SNRPN: variants seen among roughly 807,000 people sequenced by gnomAD.
SNRPN encodes the protein small nuclear ribonucleoprotein polypeptide N, also known as small nuclear ribonucleoprotein-associated protein N.
Under a neutral mutation model 25.2 loss-of-function variants are expected in SNRPN, and 7 were observed. That is an observed-to-expected ratio of 0.28 (90% CI 0.16 to 0.52). The LOEUF (loss-of-function observed/expected upper bound fraction) is 0.52, where lower values mean the gene tolerates loss of function less well. Ranked by LOEUF, SNRPN falls within the 20% of genes least tolerant of loss-of-function variation. SNRPN has a pLI of 0.96. For missense variants in SNRPN, 196 were observed against 322.5 expected, an observed-to-expected ratio of 0.61 and a Z score of 3.00; for synonymous variants, 124 against 110.6, an observed-to-expected ratio of 1.12 and a Z score of -0.76.
chr15:24,840,213 C>T (rs1431881233), intron 2 of SNRPN, among the ~76,000 whole-genome samples: 1 of 152,058 alleles, frequency 6.6e-6, no homozygotes, highest in Non-Finnish European at 1.5e-5. Flanking sequence ...GAAAAATTAG[C>T]CGGACATGGT....
chr15:24,938,928 A>G (rs1227831360), intron 3 of SNRPN, among the ~76,000 whole-genome samples: 1 of 152,204 alleles, frequency 6.6e-6, no homozygotes, highest in African/African-American at 2.4e-5. Context: ...ACATGCTTAT[A>G]GACAAATTGT....
At position 24,974,462 on chromosome 15, in the gene SNRPN, C is replaced by T. The variant is rs573573776; in HGVS notation, c.3+6C>T. On this transcript the variant is annotated splice_donor_region_variant and intron_variant, in intron 4 of 9. Transcript: ENST00000390687. ...TTGGTGGAACAGCAATCATGGTAAG[C>T]TGTATGATAAGGCTGAGGGTTGAAA... 6.2e-7 allele frequency: 1 copy of T among 1,613,596 alleles called. No homozygotes were observed. The highest frequency in any genetic ancestry group is 1.7e-5 in the Admixed American group (1 of 60,006).
At chr15:24,884,300 C>T (rs1295479752) in intron 1 of SNRPN, among the ~76,000 whole-genome samples, 1 of 152,164 alleles carries the variant, frequency 6.6e-6, no homozygotes, top group Non-Finnish European at 1.5e-5. Flanking sequence ...ATCCACGGCA[C>T]TTCAGCCTGG....
chr15:24,894,376 G>T (rs888759436), intron 2 of SNRPN, among the ~76,000 whole-genome samples: 1 of 152,070 alleles, frequency 6.6e-6, no homozygotes, highest in Non-Finnish European at 1.5e-5. Flanking sequence ...CCGCCACCAC[G>T]CCTGGCTAAT....
At chr15:24,865,421 G>C (rs1234742721) in intron 1 of SNRPN, among the ~76,000 whole-genome samples, 4 of 152,170 alleles carry the variant, frequency 2.6e-5, no homozygotes, top group Admixed American at 1.3e-4. Context: ...AGGCAGACAA[G>C]TACACAATCT....
chr15:24,966,279 T>TA (rs912598466), intron 2 of SNRPN, among the ~76,000 whole-genome samples: 6 of 146,472 alleles, frequency 4.1e-5, no homozygotes, highest in Non-Finnish European at 8.9e-5. Context: ...GTGCTATACT[T>TA]ACTAGTTTTT....
At chr15:24,969,454 CAG>C (rs2076125029) in intron 3 of SNRPN, among the ~76,000 whole-genome samples, 1 of 152,180 alleles carries the variant, frequency 6.6e-6, no homozygotes, top group Non-Finnish European at 1.5e-5. Context: ...TCAAAGGAGA[CAG>C]AAATTTTCTG....
At chr15:24,834,387 C>G (rs1397806126) in intron 2 of SNRPN, among the ~76,000 whole-genome samples, 2 of 152,160 alleles carry the variant, frequency 1.3e-5, no homozygotes, top group Admixed American at 1.3e-4. Flanking sequence ...AAGCACCAGT[C>G]TTTGGTATAT....
intron 1 of SNRPN, among the ~76,000 whole-genome samples, chr15:24,885,797 C>A (rs112747767): frequency 1.3e-5 from 2 of 151,436 alleles, no homozygotes; most frequent in Non-Finnish European, 2.9e-5. Context: ...CTGTAGCCCA[C>A]GTGTTGCATG....
intron 1 of SNRPN, among the ~76,000 whole-genome samples, chr15:24,958,454 T>G (rs1301488083): frequency 7.0e-6 from 1 of 143,654 alleles, no homozygotes; most frequent in South Asian, 2.4e-4. Context: ...TAAGGTAGCC[T>G]CTCTCCATTT....
intron 2 of SNRPN, among the ~76,000 whole-genome samples, chr15:24,907,082 C>G (rs750191686): frequency 3.9e-5 from 6 of 151,932 alleles, no homozygotes; most frequent in South Asian, 2.1e-4. Flanking sequence ...CAAAGCATAT[C>G]GTAAGCAGGG....
upstream of SNRPN, among the ~76,000 whole-genome samples, chr15:24,854,776 G>A (rs1020707715): frequency 2.0e-5 from 3 of 152,186 alleles, no homozygotes; most frequent in Admixed American, 2.0e-4. Context: ...GTTGAGGTGG[G>A]TGGAATGCTT....
At chr15:24,944,474 G>A (rs1001286782) in intron 3 of SNRPN, among the ~76,000 whole-genome samples, 1 of 152,288 alleles carries the variant, frequency 6.6e-6, no homozygotes, top group East Asian at 1.9e-4. Context: ...AAGGTGGGTG[G>A]ATCACCTGAG....
At chr15:24,907,373 G>A (rs529479303) in intron 2 of SNRPN, among the ~76,000 whole-genome samples, 19 of 151,312 alleles carry the variant, frequency 1.3e-4, no homozygotes, top group Middle Eastern at 7.0e-3. Context: ...CGAGGCAGGC[G>A]GATCACAAGG....
intron 3 of SNRPN, among the ~76,000 whole-genome samples, chr15:24,970,989 A>G (rs983451559): frequency 3.3e-5 from 5 of 152,166 alleles, no homozygotes; most frequent in Non-Finnish European, 7.3e-5. Context: ...TAACAGATCA[A>G]TACTGATATT....
chr15:24,929,908 C>T lies in SNRPN; in HGVS notation c.-391+9784C>T, dbSNP rs1448714816. On this transcript the variant is annotated intron_variant, in intron 3 of 11. Coordinates refer to the SNRPN transcript ENST00000400097. The surrounding 1 kb of genome is among the most constrained non-coding windows in gnomAD (Gnocchi z 5.3). ...CTATTATGTATCAATAAAAAAATGG[C>T]CAGGCACGGTGGCTCACACCTATAA... Among the ~76,000 whole-genome samples the T allele has an allele frequency of 6.6e-6, 1 of 152,052 alleles. No individual in the cohort carries two copies. The highest frequency in any genetic ancestry group is 2.4e-5 in the African/African-American group (1 of 41,410).
chr15:24,841,808 G>C (rs918258920), intron 2 of SNRPN, among the ~76,000 whole-genome samples: 2 of 152,178 alleles, frequency 1.3e-5, no homozygotes, highest in East Asian at 3.9e-4. Flanking sequence ...CATGCCTCAG[G>C]GACCATACAA....
intron 2 of SNRPN, among the ~76,000 whole-genome samples, chr15:24,887,855 G>A (rs759516214): frequency 1.4e-4 from 21 of 152,032 alleles, no homozygotes; most frequent in Non-Finnish European, 2.8e-4. Context: ...GATAGGGTCT[G>A]GGAAAGAGTG....
rs67089476 is a variant in SNRPN, at chr15:24,922,037, TAAAAAAAAAAA to T, written c.-391+1929_-391+1939del. 1.2e-4 allele frequency among the ~76,000 whole-genome samples: 11 copies of T among 94,406 alleles called. 1 individual carries two copies. Among genetic ancestry groups the T allele is most frequent in the Admixed American group, 4.9e-4 (4 of 8,222 alleles). 61.9% of individuals were successfully genotyped at this position (94,406 alleles called of 152,430 possible). On this transcript the variant is annotated intron_variant, in intron 3 of 11. Transcript: ENST00000400097. ...AACATGGTGAAACCTCCGTCTCTAC[TAAAAAAAAAAA>T]AAAAAAAAAAAAAAATTAGCCGGGC...
Sources: gnomAD v4.1 joint callset for allele counts (sites outside exome capture counted in the v4.1 genomes callset) on GRCh38, gnomAD v4.1.1 for gene constraint, Gnocchi (gnomAD v3.1) non-coding constraint, MANE v1.5 for transcripts, NCBI Gene and HGNC (gene_info 2026-07-23, HGNC 2026-07-21) for gene names.